Variants in TSHZ2 observed in about 807,000 individuals in gnomAD.
TSHZ2 encodes teashirt homolog 2.
TSHZ2 carries 21 observed loss-of-function variants against 74.4 expected under a neutral mutation model. The observed-to-expected ratio is 0.28, with a 90% confidence interval of 0.20 to 0.41. The LOEUF is 0.41. Ranked by LOEUF, TSHZ2 falls within the 10% of genes least tolerant of loss-of-function variation. The pLI is 1.00. For missense variants in TSHZ2, 1,244 were observed against 1,293.5 expected (o/e 0.96, Z 0.59); for synonymous variants, 540 against 515.3 (o/e 1.05, Z -0.65).
chr20:53,218,327 G>A (rs1306310044), intron 1 of TSHZ2, among the ~76,000 whole-genome samples: 1 of 152,226 alleles, frequency 6.6e-6, no homozygotes, highest in African/African-American at 2.4e-5. Context: ...ACATTGAGAT[G>A]CATTAAGCAA....
intron 2 of TSHZ2, among the ~76,000 whole-genome samples, chr20:53,408,036 T>C (rs983711197): frequency 2.6e-5 from 4 of 152,110 alleles, no homozygotes; most frequent in African/African-American, 9.7e-5. Context: ...ATTTAAGGGG[T>C]TGTTAACAAA....
At chr20:53,110,720 G>A (rs1986509398) in intron 1 of TSHZ2, among the ~76,000 whole-genome samples, 1 of 150,444 alleles carries the variant, frequency 6.6e-6, no homozygotes. Flanking sequence ...GAAAAGTTGG[G>A]AGGCAGATAA....
At chr20:53,240,329 C>A (rs1159563814) in intron 1 of TSHZ2, among the ~76,000 whole-genome samples, 1 of 152,088 alleles carries the variant, frequency 6.6e-6, no homozygotes. Context: ...GGGATGGGAC[C>A]AACCTCAGCC....
intron 2 of TSHZ2, among the ~76,000 whole-genome samples, chr20:53,316,000 G>A (rs528825998): frequency 6.6e-6 from 1 of 152,288 alleles, no homozygotes; most frequent in South Asian, 2.1e-4. Flanking sequence ...CACATAATAA[G>A]ACCCCTTGGA....
chr20:53,232,981 GAA>G (rs906565964), intron 1 of TSHZ2, among the ~76,000 whole-genome samples: 3 of 152,002 alleles, frequency 2.0e-5, no homozygotes, highest in African/African-American at 4.8e-5. Flanking sequence ...TATACTTACT[GAA>G]AGACTCTTTT....
At chr20:53,130,798 A>G (rs1284647316) in intron 1 of TSHZ2, among the ~76,000 whole-genome samples, 1 of 152,194 alleles carries the variant, frequency 6.6e-6, no homozygotes, top group Non-Finnish European at 1.5e-5. Flanking sequence ...CCTTGAACAG[A>G]GACAGTACTA....
At chr20:53,135,949 C>T (rs1600706832) in intron 1 of TSHZ2, among the ~76,000 whole-genome samples, 4 of 152,134 alleles carry the variant, frequency 2.6e-5, no homozygotes, top group South Asian at 4.1e-4. Flanking sequence ...GTAGTGTATT[C>T]GTGTGCTTTC....
chr20:53,225,062 C>G (rs1989654093), intron 1 of TSHZ2, among the ~76,000 whole-genome samples: 1 of 152,172 alleles, frequency 6.6e-6, no homozygotes, highest in South Asian at 2.1e-4. Flanking sequence ...GCCCTTGTAG[C>G]ACAAAAGCAG....
At chr20:53,393,981 T>C (rs1340781187) in intron 2 of TSHZ2, among the ~76,000 whole-genome samples, 1 of 152,192 alleles carries the variant, frequency 6.6e-6, no homozygotes, top group Non-Finnish European at 1.5e-5. Flanking sequence ...TTGTTATTAT[T>C]TATAAAAGGA....
At chr20:53,047,125 A>G (rs1051950187) in intron 1 of TSHZ2, among the ~76,000 whole-genome samples, 5 of 152,194 alleles carry the variant, frequency 3.3e-5, no homozygotes, top group Admixed American at 6.5e-5. Context: ...TAAAAGCATA[A>G]TATTTATTTG....
rs1381174488 is a variant in TSHZ2 at position 53,415,597 on chromosome 20, C to T, written c.*9-71547C>T. Among the ~76,000 whole-genome samples, 7 of 26,138 alleles carry T rather than the reference C, an allele frequency of 2.7e-4. No homozygotes were observed. In the East Asian group the frequency reaches 5.5e-3, roughly 20 times the overall value. The allele number at this position is 26,138 out of a possible 152,430, so 17.1% of individuals were successfully genotyped here. A position where few individuals can be genotyped will look rare whatever the true frequency, so the allele number is the denominator to read the frequency against. On this transcript the variant is annotated intron_variant, in intron 2 of 2. Transcript: ENST00000371497. The stretch of plus-strand genomic sequence containing the variant: ...CTACCTGTACTTGCCTATGCAGCTG[C>T]CCCCAAATCTGTATAATATCCTAAC...
At chr20:53,318,682 TG>T (rs1979125146) in intron 2 of TSHZ2, among the ~76,000 whole-genome samples, 1 of 152,178 alleles carries the variant, frequency 6.6e-6, no homozygotes, top group African/African-American at 2.4e-5. Context: ...CAGCCTTTAC[TG>T]AACCCCACCA....
In TSHZ2 at chr20:53,490,412, A is replaced by C. The variant is rs1986415620; in HGVS notation, c.*3277A>C. On this transcript the variant is annotated 3_prime_UTR_variant, in exon 3 of 3. Transcript: ENST00000371497. ...GCCTGGCCTTCCTGTGTTTTACAAC[A>C]GCTCCTAAAGATAGCTGATATCAAG... 6.6e-6 allele frequency: 1 copy of C among 152,264 alleles called. No individual in the cohort carries two copies. Among genetic ancestry groups the C allele is most frequent in the Admixed American group, 6.5e-5 (1 of 15,288 alleles). 9.4% of individuals were successfully genotyped at this position (152,264 alleles called of 1,614,324 possible).
intron 1 of TSHZ2, among the ~76,000 whole-genome samples, chr20:53,025,283 T>C (rs1327223247): frequency 6.6e-6 from 1 of 152,190 alleles, no homozygotes; most frequent in Non-Finnish European, 1.5e-5. Context: ...ACATTTAATA[T>C]GGTTCATAAT....
intron 2 of TSHZ2, among the ~76,000 whole-genome samples, chr20:53,427,015 T>A (rs1353150361): frequency 6.6e-6 from 1 of 152,236 alleles, no homozygotes; most frequent in Non-Finnish European, 1.5e-5. Flanking sequence ...GGGTCAGATC[T>A]TCACTTTCTA....
chr20:53,269,368 A>G (rs1194865458), intron 2 of TSHZ2, among the ~76,000 whole-genome samples: 1 of 152,204 alleles, frequency 6.6e-6, no homozygotes, highest in Non-Finnish European at 1.5e-5. Flanking sequence ...TGGGGGGGAT[A>G]AAAGATATGC....
chr20:53,393,087 C>G (rs1290193081), intron 2 of TSHZ2, among the ~76,000 whole-genome samples: 4 of 152,188 alleles, frequency 2.6e-5, no homozygotes, highest in Non-Finnish European at 4.4e-5. Context: ...ACCTCTGCCT[C>G]CCCAGGTGCT....
Position 53,256,029 on chromosome 20 carries a change from A to G in TSHZ2, c.2571A>G (p.Gln857=). 1 of 1,613,336 alleles carries G rather than the reference A, an allele frequency of 6.2e-7. No homozygotes were observed. The highest frequency in any genetic ancestry group is 8.5e-7 in the Non-Finnish European group (1 of 1,179,422). ...ATCCTCAGCATCTTCTGATTCTACAAGCCCAGTTTGCCTCGAGCCTCTTCC... is the reference window on the plus strand; with the variant it reads ...ATCCTCAGCATCTTCTGATTCTACAGGCCCAGTTTGCCTCGAGCCTCTTCC... The part of the protein sequence containing the change: ...NWNPQHLLIL[Q]AQFASSLFQT... The change falls in exon 2 of 3, where the codon CAA becomes CAG. Residue 857 remains glutamine (Q), a synonymous_variant. Transcript: ENST00000371497. This position sits in a 1 kb window ranked among gnomAD's most constrained non-coding sequence, Gnocchi z 4.3.
intron 1 of TSHZ2, among the ~76,000 whole-genome samples, chr20:53,052,464 C>A (rs1038707864): frequency 6.6e-6 from 1 of 152,134 alleles, no homozygotes; most frequent in African/African-American, 2.4e-5. Flanking sequence ...GCCTGATGAT[C>A]TAAGGTGGAA....
Sources: allele counts gnomAD v4.1 joint callset (sites outside exome capture counted in the v4.1 genomes callset), GRCh38; gene constraint gnomAD v4.1.1; non-coding constraint Gnocchi (gnomAD v3.1); transcripts MANE v1.5; gene names NCBI Gene and HGNC (gene_info 2026-07-23, HGNC 2026-07-21).